Variants in SCN7A observed in about 807,000 individuals in gnomAD.
SCN7A encodes sodium voltage-gated channel alpha subunit 7, also known as sodium channel protein type 7 subunit alpha.
SCN7A carries 138 observed loss-of-function variants against 155.2 expected under a neutral mutation model. That is an observed-to-expected ratio of 0.89 (90% CI 0.77 to 1.02). The LOEUF (loss-of-function observed/expected upper bound fraction) is 1.02. Ranked by LOEUF, SCN7A falls within the 50% of genes least tolerant of loss-of-function variation. The probability of loss-of-function intolerance (pLI) is 0.00; values close to 1 mark genes in which losing one functional copy is unlikely to be tolerated. For missense variants in SCN7A, 2,058 were observed against 1,986.6 expected, an observed-to-expected ratio of 1.04 and a Z score of -0.68; for synonymous variants, 693 against 649.0, an observed-to-expected ratio of 1.07 and a Z score of -1.03.
At chr2:166,468,108 A>T (rs904685027) in intron 7 of SCN7A, among the ~76,000 whole-genome samples, 1 of 152,088 alleles carries the variant, frequency 6.6e-6, no homozygotes, top group African/African-American at 2.4e-5. Flanking sequence ...GTGAGAAAAT[A>T]ACTGTATTTA....
At chr2:166,430,876 C>T (rs1701719398) in intron 16 of SCN7A, among the ~76,000 whole-genome samples, 1 of 151,866 alleles carries the variant, frequency 6.6e-6, no homozygotes, top group Non-Finnish European at 1.5e-5. Context: ...ATATCAATAT[C>T]CTAAGTAGTC....
At chr2:166,467,500 T>TAC (rs533548551) in intron 7 of SCN7A, among the ~76,000 whole-genome samples, 18,647 of 148,042 alleles carry the variant, frequency 0.13, 1,295 homozygotes, top group Middle Eastern at 0.17. Context: ...TATATATATA[T>TAC]ACACACACAC....
At chr2:166,414,265 CACACACA>C (rs1559088682) in intron 21 of SCN7A, among the ~76,000 whole-genome samples, 1,252 of 22,438 alleles carry the variant, frequency 0.056, 217 homozygotes, top group Non-Finnish European at 0.083. Flanking sequence ...GATATATATA[CACACACA>C]TATATATATA....
rs1199691299 is a variant in SCN7A at position 166,471,008 on chromosome 2, A to C, written c.573-302T>G. 9.9e-5 allele frequency among the ~76,000 whole-genome samples: 15 copies of C among 151,894 alleles called. No homozygotes were observed. In the Admixed American group the frequency reaches 9.9e-4, roughly 10 times the overall value. ...CATAAATCTTTTATCTAATTACTGA[A>C]AAGATAGTTACAATGAAAAATGAAT... On this transcript the variant is annotated intron_variant, in intron 6 of 25. Coordinates refer to ENST00000643258, the MANE Select transcript of SCN7A (RefSeq NM_002976.4).
chr2:166,411,477 G>A (rs7562525), intron 23 of SCN7A, among the ~76,000 whole-genome samples: 14,208 of 151,854 alleles, frequency 0.094, 1,010 homozygotes, highest in African/African-American at 0.19. Context: ...ACAAAAAGAA[G>A]CTGCAAACTG....
intron 8 of SCN7A, 75 bp downstream of exon 8, chr2:166,465,706 C>A: frequency 6.7e-7 from 1 of 1,496,106 alleles, no homozygotes; most frequent in South Asian, 1.1e-5. Flanking sequence ...GTTGAGTGTT[C>A]AACATTTCTG....
chr2:166,429,837 T>C (rs532318804), intron 16 of SCN7A, among the ~76,000 whole-genome samples: 19 of 152,176 alleles, frequency 1.2e-4, no homozygotes, highest in Admixed American at 1.0e-3. Context: ...CACAGCCTTA[T>C]GAAAAGCACC....
chr2:166,414,264 AC>A (rs1701299027), intron 21 of SCN7A, among the ~76,000 whole-genome samples: 1 of 27,118 alleles, frequency 3.7e-5, no homozygotes, highest in Non-Finnish European at 6.6e-5. Flanking sequence ...AGATATATAT[AC>A]ACACACATAT....
intron 23 of SCN7A, among the ~76,000 whole-genome samples, chr2:166,411,198 T>A (rs997465810): frequency 6.6e-6 from 1 of 152,062 alleles, no homozygotes; most frequent in African/African-American, 2.4e-5. Context: ...CAGTTGGAAA[T>A]TATTACATGA....
Position 166,406,276 on chromosome 2 carries a change from A to G in SCN7A, c.4353T>C (p.Cys1451=). The part of the protein sequence containing the change: ...DAIFNSKWSD[C]DPDKINPGTQ... ...TCCCAGGGTTAATTTTATCAGGATCACAGTCAGACCATTTACTGTTGAAAA... is the reference window on the plus strand; with the variant it reads ...TCCCAGGGTTAATTTTATCAGGATCGCAGTCAGACCATTTACTGTTGAAAA... The change falls in exon 26 of 26, where the codon TGT becomes TGC. Residue 1451 remains cysteine, a synonymous_variant. Coordinates refer to ENST00000643258, the MANE Select transcript of SCN7A (RefSeq NM_002976.4). 6 of 1,613,260 alleles carry G rather than the reference A, an allele frequency of 3.7e-6. No individual in the cohort carries two copies. The highest frequency in any genetic ancestry group is 5.1e-6 in the Non-Finnish European group (6 of 1,179,512).
intron 11 of SCN7A, among the ~76,000 whole-genome samples, chr2:166,450,664 C>T (rs925586770): frequency 1.3e-5 from 2 of 151,750 alleles, no homozygotes; most frequent in African/African-American, 2.4e-5. Flanking sequence ...TGTGTTAGGG[C>T]GCGCCTATAG....
At chr2:166,437,283 G>A (rs575628011) in intron 15 of SCN7A, among the ~76,000 whole-genome samples, 9 of 152,328 alleles carry the variant, frequency 5.9e-5, no homozygotes, top group Non-Finnish European at 1.3e-4. Flanking sequence ...GAGTGTGCAA[G>A]CCCCAAGCCT....
At chr2:166,432,280 A>T in intron 16 of SCN7A, 38 bp downstream of exon 16, 1 of 1,505,286 alleles carries the variant, frequency 6.6e-7, no homozygotes, top group Non-Finnish European at 9.0e-7. Flanking sequence ...CAATACTATA[A>T]ATCACCACTA....
chr2:166,414,575 C>T (rs1363822874), intron 21 of SCN7A: 2 of 142,912 alleles, frequency 1.4e-5, no homozygotes, highest in Non-Finnish European at 3.0e-5. Flanking sequence ...TAATCTCCCA[C>T]ATCCGGAAAA....
chr2:166,475,910 G>A (rs904889971), intron 3 of SCN7A, among the ~76,000 whole-genome samples: 1 of 151,904 alleles, frequency 6.6e-6, no homozygotes, highest in African/African-American at 2.4e-5. Context: ...CTGGGCCTTG[G>A]TTTATTTTGC....
At chr2:166,461,357 T>C (rs186313857) in intron 10 of SCN7A, among the ~76,000 whole-genome samples, 2 of 152,296 alleles carry the variant, frequency 1.3e-5, no homozygotes, top group Admixed American at 6.5e-5. Flanking sequence ...TTTTCTACTA[T>C]GATAGAACTT....
At chr2:166,409,982 T>C in intron 24 of SCN7A, 47 bp from the exon 25 acceptor site, 1 of 1,417,688 alleles carries the variant, frequency 7.1e-7, no homozygotes. Context: ...ATAGGATACA[T>C]ATACATATAT....
At position 166,412,613 on chromosome 2, in the gene SCN7A, T is replaced by C. The variant is rs1358363202; in HGVS notation, c.3523A>G (p.Asn1175Asp). The change falls in exon 23 of 26, where the codon AAC becomes GAC. Residue 1175 changes from asparagine to aspartate, a missense_variant. Asn to Asp is a conservative substitution (Grantham distance 23). Transcript: ENST00000643258. ...VNIYMYCYFI[N>D]FIIFGVFLPL... ...AGAAATACTCCAAATATAATAAAGTTGATAAAGTAACAATACATGTAGATG... is the reference window on the plus strand; with the variant it reads ...AGAAATACTCCAAATATAATAAAGTCGATAAAGTAACAATACATGTAGATG... The C allele has an allele frequency of 6.6e-7, 1 of 1,523,912 alleles. No individual in the cohort carries two copies. Among genetic ancestry groups the C allele is most frequent in the Non-Finnish European group, 8.8e-7 (1 of 1,137,508 alleles). The allele number at this position is 1,523,912 out of a possible 1,614,324, so 94.4% of individuals were successfully genotyped here.
intron 7 of SCN7A, among the ~76,000 whole-genome samples, chr2:166,467,751 C>T (rs1702569119): frequency 6.6e-6 from 1 of 151,290 alleles, no homozygotes; most frequent in South Asian, 2.1e-4. Context: ...AAATTTTAAC[C>T]TTTGTTTTGC....
Sources: gnomAD v4.1 joint callset for allele counts (sites outside exome capture counted in the v4.1 genomes callset) on GRCh38, gnomAD v4.1.1 for gene constraint, MANE v1.5 for transcripts, NCBI Gene and HGNC (gene_info 2026-07-23, HGNC 2026-07-21) for gene names.